DLGAP1: variants seen among roughly 807,000 people sequenced by gnomAD.
The protein encoded by DLGAP1 is DLG associated protein 1.
A neutral mutation model predicts 90.8 loss-of-function variants in DLGAP1; 11 were observed. The observed-to-expected ratio is 0.12, with a 90% confidence interval of 0.08 to 0.20. DLGAP1 has a LOEUF of 0.20. Among genes scored for constraint, DLGAP1 ranks in the 10% least tolerant of loss-of-function variants. DLGAP1 has a pLI of 1.00. For missense variants in DLGAP1, 1,050 were observed against 1,333.8 expected (o/e 0.79, Z 3.31); for synonymous variants, 558 against 540.7 (o/e 1.03, Z -0.44).
chr18:3,532,392 C>T (rs923002976), intron 10 of DLGAP1, among the ~76,000 whole-genome samples: 3 of 151,852 alleles, frequency 2.0e-5, no homozygotes, highest in Non-Finnish European at 2.9e-5. Context: ...CCAGCCTGAC[C>T]AACATGGTGA....
chr18:3,596,972 A>G (rs1394283505), intron 7 of DLGAP1: 1 of 519,710 alleles, frequency 1.9e-6, no homozygotes, highest in Non-Finnish European at 3.8e-6. Flanking sequence ...GATGTCCCCC[A>G]TTCTCCCCAC....
intron 7 of DLGAP1, among the ~76,000 whole-genome samples, chr18:3,674,294 AAAAT>A (rs1478130482): frequency 2.4e-5 from 1 of 42,264 alleles, no homozygotes. Context: ...CTATAATATT[AAAAT>A]ATATATATAT....
chr18:3,499,177 C>T lies in DLGAP1; in HGVS notation c.*8G>A. ...ATGCTTGGCGGCGGCGGCCGGGCTG[C>T]GGGGCGCTCAGAGCCGGGTCTGCGC... is the stretch of plus-strand genomic sequence containing the variant. On this transcript the variant is annotated 3_prime_UTR_variant, in exon 13 of 13. Coordinates refer to ENST00000315677, the MANE Select transcript of DLGAP1 (RefSeq NM_004746.4). The surrounding 1 kb of genome is among the most constrained non-coding windows in gnomAD (Gnocchi z 6.4). 1.9e-6 allele frequency: 3 copies of T among 1,551,438 alleles called. No individual in the cohort carries two copies. The highest frequency in any genetic ancestry group is 1.8e-5 in the Admixed American group (1 of 54,054).
chr18:4,032,417 C>T (rs2074810559), intron 2 of DLGAP1, among the ~76,000 whole-genome samples: 1 of 151,956 alleles, frequency 6.6e-6, no homozygotes, highest in Admixed American at 6.6e-5. Context: ...TTGGTTTTTC[C>T]CCAATAAAGT....
intron 7 of DLGAP1, among the ~76,000 whole-genome samples, chr18:3,668,785 G>T (rs917875986): frequency 4.6e-5 from 7 of 152,178 alleles, no homozygotes; most frequent in Middle Eastern, 3.4e-3. Flanking sequence ...ATCACCTAAG[G>T]CCAGGAGTTC....
intron 5 of DLGAP1, among the ~76,000 whole-genome samples, chr18:3,747,284 A>T (rs2147765603): frequency 6.6e-6 from 1 of 152,314 alleles, no homozygotes; most frequent in East Asian, 1.9e-4. Context: ...TGCCAGGTCA[A>T]GGTAATATTT....
At chr18:3,836,424 A>C (rs2068384716) in intron 4 of DLGAP1, among the ~76,000 whole-genome samples, 1 of 152,224 alleles carries the variant, frequency 6.6e-6, no homozygotes, top group Admixed American at 6.5e-5. Context: ...TTTAATCTTC[A>C]GTTTTTATAG....
chr18:3,900,126 T>C (rs1456529713), intron 3 of DLGAP1, among the ~76,000 whole-genome samples: 1 of 152,200 alleles, frequency 6.6e-6, no homozygotes, highest in African/African-American at 2.4e-5. Flanking sequence ...GCTGTAAGAC[T>C]GGACCCATAA....
chr18:3,797,364 C>T (rs2066051667), intron 5 of DLGAP1, among the ~76,000 whole-genome samples: 1 of 151,922 alleles, frequency 6.6e-6, no homozygotes, highest in African/African-American at 2.4e-5. Flanking sequence ...CAAGAGCTCT[C>T]TCTCTGTCTG....
chr18:3,706,726 G>A (rs1168346017), intron 7 of DLGAP1, among the ~76,000 whole-genome samples: 1 of 152,088 alleles, frequency 6.6e-6, no homozygotes, highest in East Asian at 1.9e-4. Context: ...CTGAAGAGAT[G>A]ACAGAATGAT....
chr18:3,938,968 A>G (rs2072704552), intron 3 of DLGAP1, among the ~76,000 whole-genome samples: 2 of 152,238 alleles, frequency 1.3e-5, no homozygotes, highest in African/African-American at 4.8e-5. Flanking sequence ...TGTATACACT[A>G]TGTTCATCAC....
Position 4,009,207 on chromosome 18 carries a change from C to T in DLGAP1, c.-158-4006G>A, listed in dbSNP as rs1229513438. 4.6e-5 allele frequency among the ~76,000 whole-genome samples: 7 copies of T among 152,166 alleles called. No homozygotes were observed. In the East Asian group the frequency reaches 1.3e-3, roughly 29 times the overall value. ...TGTGAGCCACTGCACCTGGCCGCCACCGAGTCTCTTTAGACTCCACTTGCG... is the reference window on the plus strand; with the variant it reads ...TGTGAGCCACTGCACCTGGCCGCCATCGAGTCTCTTTAGACTCCACTTGCG... On this transcript the variant is annotated intron_variant, in intron 2 of 12. Coordinates refer to ENST00000315677, the MANE Select transcript of DLGAP1 (RefSeq NM_004746.4).
intron 4 of DLGAP1, among the ~76,000 whole-genome samples, chr18:3,830,834 G>T (rs897095203): frequency 6.6e-6 from 1 of 152,170 alleles, no homozygotes; most frequent in African/African-American, 2.4e-5. Context: ...GTCTGGCAGA[G>T]ACCAATATTC....
intron 3 of DLGAP1, among the ~76,000 whole-genome samples, chr18:3,974,229 G>A (rs1381618016): frequency 6.6e-6 from 1 of 151,774 alleles, no homozygotes; most frequent in Non-Finnish European, 1.5e-5. Context: ...TGCCCACCAC[G>A]ACACCTGGCT....
chr18:4,279,728 C>G (rs2079506157), intron 1 of DLGAP1, among the ~76,000 whole-genome samples: 1 of 152,122 alleles, frequency 6.6e-6, no homozygotes, highest in Non-Finnish European at 1.5e-5. Flanking sequence ...CATATAAACT[C>G]TTTTATATCA....
At chr18:3,868,885 G>A (rs1452051322) in intron 4 of DLGAP1, among the ~76,000 whole-genome samples, 1 of 152,096 alleles carries the variant, frequency 6.6e-6, no homozygotes, top group South Asian at 2.1e-4. Flanking sequence ...GCGACTTTGG[G>A]CACGAGCAAA....
At chr18:3,611,252 C>T (rs953608809) in intron 7 of DLGAP1, among the ~76,000 whole-genome samples, 1 of 152,150 alleles carries the variant, frequency 6.6e-6, no homozygotes, top group Non-Finnish European at 1.5e-5. Context: ...CCTGATCACC[C>T]AGCTTACAGC....
chr18:4,092,947 A>C (rs2075792699), intron 2 of DLGAP1, among the ~76,000 whole-genome samples: 1 of 152,152 alleles, frequency 6.6e-6, no homozygotes, highest in Non-Finnish European at 1.5e-5. Context: ...AACTGTATGG[A>C]GCCTGATGCC....
intron 1 of DLGAP1, among the ~76,000 whole-genome samples, chr18:4,308,794 C>T (rs1001084907): frequency 2.6e-5 from 4 of 152,184 alleles, no homozygotes; most frequent in African/African-American, 9.6e-5. Context: ...AAGCCTCAGG[C>T]GAAGAAGCTG....
Sources: allele counts gnomAD v4.1 joint callset (sites outside exome capture counted in the v4.1 genomes callset), GRCh38; gene constraint gnomAD v4.1.1; non-coding constraint Gnocchi (gnomAD v3.1); transcripts MANE v1.5; gene names NCBI Gene and HGNC (gene_info 2026-07-23, HGNC 2026-07-21).